The following MPPED2 variants were observed in gnomAD, a reference collection of about 807,000 sequenced individuals.
MPPED2 encodes metallophosphoesterase MPPED2.
A neutral mutation model predicts 33.0 loss-of-function variants in MPPED2; 5 were observed. That is an observed-to-expected ratio of 0.15 (90% CI 0.08 to 0.32). The LOEUF (loss-of-function observed/expected upper bound fraction) is 0.32, where lower values mean the gene tolerates loss of function less well. Among genes scored for constraint, MPPED2 ranks in the 10% least tolerant of loss-of-function variants. The pLI is 1.00. For synonymous variants in MPPED2, 136 were observed against 141.9 expected (o/e 0.96, Z 0.29); for missense variants, 275 against 372.1 (o/e 0.74, Z 2.15).
chr11:30,438,365 C>T (rs1949415325), intron 4 of MPPED2, among the ~76,000 whole-genome samples: 1 of 152,196 alleles, frequency 6.6e-6, no homozygotes, highest in Non-Finnish European at 1.5e-5. Context: ...TGACTTATTG[C>T]AGTCTCAAAT....
At chr11:30,561,722 A>T (rs958982825) in intron 2 of MPPED2, among the ~76,000 whole-genome samples, 3 of 152,136 alleles carry the variant, frequency 2.0e-5, no homozygotes, top group Non-Finnish European at 4.4e-5. Context: ...ACATTTTCCA[A>T]AAGGAAAATT....
chr11:30,431,374 T>G (rs1292149679), intron 4 of MPPED2, among the ~76,000 whole-genome samples: 3 of 152,228 alleles, frequency 2.0e-5, no homozygotes, highest in Admixed American at 6.5e-5. Context: ...GGTGTGAACT[T>G]GAGTAAGCTG....
chr11:30,404,145 AG>A (rs1449527126), intron 6 of MPPED2, among the ~76,000 whole-genome samples: 2 of 152,338 alleles, frequency 1.3e-5, no homozygotes, highest in East Asian at 3.9e-4. Context: ...ACTGGTCAGG[AG>A]GATACCATTA....
intron 2 of MPPED2, among the ~76,000 whole-genome samples, chr11:30,551,952 T>C (rs1955734347): frequency 6.6e-6 from 1 of 152,220 alleles, no homozygotes; most frequent in Non-Finnish European, 1.5e-5. Context: ...TTTCTGCCTC[T>C]GCAAAATTTC....
At chr11:30,530,961 T>A (rs1396944821) in intron 3 of MPPED2, among the ~76,000 whole-genome samples, 2 of 152,178 alleles carry the variant, frequency 1.3e-5, no homozygotes, top group African/African-American at 4.8e-5. Context: ...ATAAAAATAA[T>A]CACATTTTAA....
intron 4 of MPPED2, among the ~76,000 whole-genome samples, chr11:30,486,634 T>C (rs748723549): frequency 6.6e-6 from 1 of 152,182 alleles, no homozygotes; most frequent in African/African-American, 2.4e-5. Context: ...CTAAAATTGC[T>C]GGTGGAGGCT....
chr11:30,452,121 T>C, intron 4 of MPPED2: 1 of 984,712 alleles, frequency 1.0e-6, no homozygotes, highest in Non-Finnish European at 1.2e-6. Flanking sequence ...ATTTCTCTTC[T>C]CTACTTAAAA....
At chr11:30,472,193 T>A (rs1408272707) in intron 4 of MPPED2, among the ~76,000 whole-genome samples, 1 of 152,036 alleles carries the variant, frequency 6.6e-6, no homozygotes, top group African/African-American at 2.4e-5. Context: ...AGATCCCATC[T>A]CTACAAAAAA....
intron 4 of MPPED2, among the ~76,000 whole-genome samples, chr11:30,464,268 A>AACACACACACACACAC (rs10660237): frequency 5.8e-4 from 85 of 146,020 alleles, no homozygotes; most frequent in African/African-American, 1.9e-3. Flanking sequence ...AAAGGATACT[A>AACACACACACACACAC]ACACACACAC....
At chr11:30,563,493 C>A (rs1396121200) in intron 2 of MPPED2, among the ~76,000 whole-genome samples, 1 of 151,978 alleles carries the variant, frequency 6.6e-6, no homozygotes, top group South Asian at 2.1e-4. Flanking sequence ...TCACTTAGTG[C>A]CAAAAAATGA....
intron 3 of MPPED2, among the ~76,000 whole-genome samples, chr11:30,505,307 A>G (rs914493852): frequency 1.2e-4 from 19 of 152,190 alleles, no homozygotes; most frequent in Non-Finnish European, 2.9e-5. Flanking sequence ...ACACTCGCAC[A>G]TACTCATTCA....
chr11:30,502,490 C>T (rs970720074), intron 3 of MPPED2, among the ~76,000 whole-genome samples: 1 of 152,122 alleles, frequency 6.6e-6, no homozygotes, highest in Non-Finnish European at 1.5e-5. Context: ...TAAAACATTC[C>T]CCGAATGCTA....
intron 4 of MPPED2, among the ~76,000 whole-genome samples, chr11:30,435,041 C>A (rs1216903988): frequency 6.6e-6 from 1 of 152,194 alleles, no homozygotes; most frequent in Admixed American, 6.5e-5. Flanking sequence ...GGGGCCAGGA[C>A]AATGTGTCAG....
At chr11:30,429,746 T>A (rs1948997502) in intron 4 of MPPED2, among the ~76,000 whole-genome samples, 1 of 152,178 alleles carries the variant, frequency 6.6e-6, no homozygotes, top group Non-Finnish European at 1.5e-5. Context: ...TGTTCTCCCA[T>A]ATCTCTGCCC....
intron 4 of MPPED2, among the ~76,000 whole-genome samples, chr11:30,487,224 T>C (rs1951780995): frequency 6.6e-6 from 1 of 152,202 alleles, no homozygotes; most frequent in Non-Finnish European, 1.5e-5. Flanking sequence ...CAGCCAGCCA[T>C]GTCCCAAAGT....
intron 6 of MPPED2, among the ~76,000 whole-genome samples, chr11:30,400,056 C>T (rs762979818): frequency 2.0e-5 from 3 of 151,932 alleles, no homozygotes; most frequent in Non-Finnish European, 4.4e-5. Flanking sequence ...TTATGGCAGT[C>T]GAGAGATCAG....
At chr11:30,452,489 T>C (rs905101820) in intron 4 of MPPED2, among the ~76,000 whole-genome samples, 2 of 152,200 alleles carry the variant, frequency 1.3e-5, no homozygotes, top group African/African-American at 4.8e-5. Context: ...CCTCACTACA[T>C]CAGTATTTCT....
intron 4 of MPPED2, among the ~76,000 whole-genome samples, chr11:30,493,320 G>A (rs547548157): frequency 6.7e-6 from 1 of 149,830 alleles, no homozygotes; most frequent in East Asian, 2.0e-4. Flanking sequence ...GCAGTGAGCG[G>A]AGATCGCGCC....
chr11:30,500,573 C>T (rs1952510741), intron 3 of MPPED2, among the ~76,000 whole-genome samples: 1 of 152,120 alleles, frequency 6.6e-6, no homozygotes, highest in South Asian at 2.1e-4. Context: ...AGTGTGCTAG[C>T]AAAATGGGGA....
Sources: gnomAD v4.1 joint callset for allele counts (sites outside exome capture counted in the v4.1 genomes callset) on GRCh38, gnomAD v4.1.1 for gene constraint, MANE v1.5 for transcripts, NCBI Gene and HGNC (gene_info 2026-07-23, HGNC 2026-07-21) for gene names.